The following ZSWIM6 variants were observed in gnomAD, a reference collection of about 807,000 sequenced individuals.
The protein encoded by ZSWIM6 is zinc finger SWIM domain-containing protein 6.
In ZSWIM6, 9 loss-of-function variants were observed where a neutral mutation model predicts 113.2. The ratio of observed to expected loss-of-function variants is 0.08; its 90% CI spans 0.05 to 0.14. The LOEUF is 0.14. Among genes scored for constraint, ZSWIM6 ranks in the 10% least tolerant of loss-of-function variants. ZSWIM6 has a pLI of 1.00. For synonymous variants in ZSWIM6, 611 were observed against 606.5 expected (o/e 1.01, Z -0.11); for missense variants, 1,162 against 1,552.2 (o/e 0.75, Z 4.22).
At chr5:61,525,679 TA>T in intron 5 of ZSWIM6, 120 bp from the exon 6 acceptor site, 1 of 1,158,190 alleles carries the variant, frequency 8.6e-7, no homozygotes, top group Non-Finnish European at 1.2e-6. Context: ...CCCTTCTGCT[TA>T]GGGGGTGCAG....
intron 1 of ZSWIM6, chr5:61,391,751 C>A: frequency 9.0e-7 from 1 of 1,112,062 alleles, no homozygotes; most frequent in Non-Finnish European, 1.4e-6. Flanking sequence ...GTGAGGTGGA[C>A]CAGCTTGGAA....
At chr5:61,339,309 G>A (rs1175682500) in intron 1 of ZSWIM6, among the ~76,000 whole-genome samples, 1 of 152,198 alleles carries the variant, frequency 6.6e-6, no homozygotes, top group Non-Finnish European at 1.5e-5. Flanking sequence ...AGGAGGCTGA[G>A]GCGGGAGAAT....
At chr5:61,369,413 G>T (rs1745220372) in intron 1 of ZSWIM6, among the ~76,000 whole-genome samples, 1 of 152,146 alleles carries the variant, frequency 6.6e-6, no homozygotes, top group Non-Finnish European at 1.5e-5. Context: ...AGCATTCTGT[G>T]TTAACCACCA....
At chr5:61,343,206 A>G (rs1356063089) in intron 1 of ZSWIM6, among the ~76,000 whole-genome samples, 1 of 152,242 alleles carries the variant, frequency 6.6e-6, no homozygotes, top group African/African-American at 2.4e-5. Flanking sequence ...GGAAGGATGC[A>G]GTAGAACCTG....
At chr5:61,363,998 CTTTCTTTTCT>C (rs796117656) in intron 1 of ZSWIM6, among the ~76,000 whole-genome samples, 3 of 126,882 alleles carry the variant, frequency 2.4e-5, no homozygotes, top group Admixed American at 8.5e-5. Flanking sequence ...CCCTTTCCTT[CTTTCTTTTCT>C]TTTCTTTTCT....
At chr5:61,403,978 C>T (rs556243740) in intron 1 of ZSWIM6, among the ~76,000 whole-genome samples, 2 of 150,966 alleles carry the variant, frequency 1.3e-5, no homozygotes, top group Non-Finnish European at 2.9e-5. Context: ...GAGGTCTCTT[C>T]AGTAGCCATC....
intron 1 of ZSWIM6, among the ~76,000 whole-genome samples, chr5:61,463,224 A>AT (rs1747354232): frequency 6.6e-6 from 1 of 152,164 alleles, no homozygotes; most frequent in Non-Finnish European, 1.5e-5. Flanking sequence ...AGCTTTTGTT[A>AT]TTATGTTATT....
At chr5:61,404,080 T>A (rs1227726128) in intron 1 of ZSWIM6, among the ~76,000 whole-genome samples, 1 of 151,768 alleles carries the variant, frequency 6.6e-6, no homozygotes, top group Admixed American at 6.6e-5. Flanking sequence ...CGATCTTGGC[T>A]CACTGCAAGC....
At chr5:61,506,580 G>C (rs1482935993) in intron 4 of ZSWIM6, among the ~76,000 whole-genome samples, 1 of 139,178 alleles carries the variant, frequency 7.2e-6, no homozygotes, top group African/African-American at 2.6e-5. Context: ...TCTCCAAAAA[G>C]AAAAAAAAAA....
At chr5:61,542,588 G>A (rs542818310) in intron 13 of ZSWIM6, among the ~76,000 whole-genome samples, 2 of 152,268 alleles carry the variant, frequency 1.3e-5, no homozygotes, top group Non-Finnish European at 2.9e-5. Context: ...ACTTCATGCT[G>A]AGAAAACACT....
chr5:61,350,483 C>T (rs1744759565), intron 1 of ZSWIM6, among the ~76,000 whole-genome samples: 1 of 152,126 alleles, frequency 6.6e-6, no homozygotes, highest in Admixed American at 6.5e-5. Flanking sequence ...CTGTCTGTAT[C>T]TCCTATTCAG....
chr5:61,473,221 C>T (rs984331131), intron 2 of ZSWIM6, among the ~76,000 whole-genome samples, 184 bp downstream of exon 2: 1 of 152,108 alleles, frequency 6.6e-6, no homozygotes, highest in Non-Finnish European at 1.5e-5. Context: ...GTGTTAGGTA[C>T]CAAGGCTTTT....
intron 2 of ZSWIM6, among the ~76,000 whole-genome samples, chr5:61,488,059 G>C (rs1056427558): frequency 1.3e-5 from 2 of 151,920 alleles, no homozygotes; most frequent in Admixed American, 1.3e-4. Context: ...TTTATGCCTA[G>C]TTTGCTGAGG....
intron 1 of ZSWIM6, among the ~76,000 whole-genome samples, chr5:61,439,206 C>T (rs1370894194): frequency 2.0e-5 from 3 of 152,162 alleles, no homozygotes; most frequent in Non-Finnish European, 4.4e-5. Flanking sequence ...TTTTATTTTT[C>T]TGCCTCACAT....
At chr5:61,403,765 A>G (rs978956274) in intron 1 of ZSWIM6, among the ~76,000 whole-genome samples, 1 of 152,196 alleles carries the variant, frequency 6.6e-6, no homozygotes, top group Non-Finnish European at 1.5e-5. Flanking sequence ...GCCAGTGTAG[A>G]TTTTTGTCAT....
chr5:61,334,041 C>T (rs768152325), intron 1 of ZSWIM6, among the ~76,000 whole-genome samples: 1 of 152,196 alleles, frequency 6.6e-6, no homozygotes, highest in East Asian at 1.9e-4. Context: ...TTTCTGTCAC[C>T]CTCCGAAAAG....
chr5:61,454,009 C>T (rs892323613), intron 1 of ZSWIM6, among the ~76,000 whole-genome samples: 1 of 152,016 alleles, frequency 6.6e-6, no homozygotes, highest in Non-Finnish European at 1.5e-5. Context: ...CTCATTCCTT[C>T]TACATTTATT....
At chr5:61,433,071 G>A (rs1027099833) in intron 1 of ZSWIM6, among the ~76,000 whole-genome samples, 2 of 152,146 alleles carry the variant, frequency 1.3e-5, no homozygotes, top group African/African-American at 4.8e-5. Flanking sequence ...ATAATGGCCT[G>A]TTAATGCAAA....
At chr5:61,404,278 T>C (rs1179753759) in intron 1 of ZSWIM6, among the ~76,000 whole-genome samples, 2 of 152,276 alleles carry the variant, frequency 1.3e-5, no homozygotes, top group African/African-American at 2.4e-5. Context: ...TTCTCACTTA[T>C]CAGTTGCATT....
Sources: gnomAD v4.1 joint callset for allele counts (sites outside exome capture counted in the v4.1 genomes callset) on GRCh38, gnomAD v4.1.1 for gene constraint, MANE v1.5 for transcripts, NCBI Gene and HGNC (gene_info 2026-07-23, HGNC 2026-07-21) for gene names.